The following PCDHA2 variants were observed in gnomAD, a reference collection of about 807,000 sequenced individuals.
PCDHA2 encodes protocadherin alpha 2.
A neutral mutation model predicts 66.0 loss-of-function variants in PCDHA2; 58 were observed. That is an observed-to-expected ratio of 0.88 (90% CI 0.71 to 1.09). The LOEUF is 1.09. Ranked by LOEUF, PCDHA2 falls within the 50% of genes least tolerant of loss-of-function variation. The pLI, the probability that PCDHA2 is intolerant of heterozygous loss-of-function variation, is 0.00. For synonymous variants in PCDHA2, 634 were observed against 554.0 expected (o/e 1.14, Z -2.03); for missense variants, 1,267 against 1,242.3 (o/e 1.02, Z -0.30).
intron 1 of PCDHA2, among the ~76,000 whole-genome samples, chr5:140,962,537 A>G (rs1554226101): frequency 6.6e-6 from 1 of 152,208 alleles, no homozygotes; most frequent in Non-Finnish European, 1.5e-5. Context: ...TTTTAGAACT[A>G]AAAATGTAGA....
chr5:140,870,385 G>A, intron 1 of PCDHA2: 1 of 1,614,240 alleles, frequency 6.2e-7, no homozygotes. Context: ...GACTGCGCGG[G>A]ATGGGGGTTC....
chr5:140,795,678 T>G lies in PCDHA2; in HGVS notation c.714T>G (p.Asn238Lys). Residue 238 changes from asparagine (N) to lysine (K), a missense_variant, in exon 1 of 4, where the codon AAT (asparagine) becomes AAG (lysine). Transcript: ENST00000526136. Reference protein sequence around the residue: ...ILIKVLDVNDNEPTFAQSVYK... With the variant: ...ILIKVLDVNDKEPTFAQSVYK... ...TTAAGGTATTAGATGTAAATGACAATGAACCAACTTTTGCCCAATCAGTTT... is the reference window on the plus strand; with the variant it reads ...TTAAGGTATTAGATGTAAATGACAAGGAACCAACTTTTGCCCAATCAGTTT... The G allele has an allele frequency of 6.2e-7, 1 of 1,614,122 alleles. No homozygotes were observed. The highest frequency in any genetic ancestry group is 8.5e-7 in the Non-Finnish European group (1 of 1,180,008).
intron 1 of PCDHA2, among the ~76,000 whole-genome samples, chr5:140,942,855 A>G (rs1323763970): frequency 6.6e-6 from 1 of 152,110 alleles, no homozygotes; most frequent in African/African-American, 2.4e-5. Flanking sequence ...TAAGATGATT[A>G]TTTTGCTTTA....
intron 1 of PCDHA2, among the ~76,000 whole-genome samples, chr5:140,874,462 A>G (rs1471984599): frequency 7.2e-5 from 11 of 152,228 alleles, no homozygotes; most frequent in African/African-American, 2.7e-4. Flanking sequence ...CTGTAGGGGA[A>G]GATTTAGAGA....
At chr5:140,876,968 T>C (rs782613091) in intron 1 of PCDHA2, 1 of 1,608,986 alleles carries the variant, frequency 6.2e-7, no homozygotes, top group Non-Finnish European at 8.5e-7. Context: ...GAGCGGCGGG[T>C]GGGCGAGCAC....
intron 1 of PCDHA2, among the ~76,000 whole-genome samples, chr5:140,933,411 T>C (rs1174569571): frequency 6.6e-6 from 1 of 152,084 alleles, no homozygotes; most frequent in Non-Finnish European, 1.5e-5. Flanking sequence ...CATCTACAGA[T>C]ATTCTGTGTT....
intron 1 of PCDHA2, chr5:140,817,258 CCT>C (rs1458699211): frequency 3.3e-5 from 5 of 152,336 alleles, no homozygotes; most frequent in East Asian, 1.9e-4. Flanking sequence ...GGAATTTCCC[CCT>C]GTTTGAATGG....
intron 1 of PCDHA2, among the ~76,000 whole-genome samples, chr5:140,933,894 A>G (rs2089494206): frequency 6.6e-6 from 1 of 151,894 alleles, no homozygotes; most frequent in Non-Finnish European, 1.5e-5. Context: ...ACTTTTGAAT[A>G]TTTTGGCATA....
intron 1 of PCDHA2, among the ~76,000 whole-genome samples, chr5:140,908,630 CA>C (rs2074062492): frequency 6.6e-6 from 1 of 152,126 alleles, no homozygotes; most frequent in East Asian, 1.9e-4. Flanking sequence ...TTGAGGTCTC[CA>C]CTGTGATTCA....
rs2150239887 is a variant in PCDHA2 at position 140,835,629 on chromosome 5, G to A, written c.2388+38277G>A. On this transcript the variant is annotated intron_variant, in intron 1 of 3. Coordinates refer to ENST00000526136, the MANE Select transcript of PCDHA2 (RefSeq NM_018905.3). ...GGTGCTGGACAGCGCTCTGGACCGC[G>A]AGAGTGTGTCCGCCTATGAGCTGGT... 7.4e-6 allele frequency: 12 copies of A among 1,613,910 alleles called. 1 individual carries two copies. The East Asian group carries it at 1.3e-4, about 18-fold the overall frequency.
intron 1 of PCDHA2, among the ~76,000 whole-genome samples, chr5:140,951,423 C>T (rs1324305371): frequency 6.6e-6 from 1 of 152,014 alleles, no homozygotes; most frequent in Non-Finnish European, 1.5e-5. Flanking sequence ...CTCACAGTTC[C>T]ACAGGCTGTA....
intron 1 of PCDHA2, chr5:140,969,215 C>G (rs782320507): frequency 6.2e-7 from 1 of 1,614,128 alleles, no homozygotes; most frequent in South Asian, 1.1e-5. Flanking sequence ...CCAGACAGGA[C>G]CAGGGCCTTC....
intron 1 of PCDHA2, among the ~76,000 whole-genome samples, chr5:140,839,040 T>C (rs1469530871): frequency 6.6e-6 from 1 of 152,080 alleles, no homozygotes; most frequent in Non-Finnish European, 1.5e-5. Flanking sequence ...TGTTTTCTTT[T>C]CAACGTGAAT....
At chr5:140,822,537 A>T (rs2150117111) in intron 1 of PCDHA2, 1 of 1,613,856 alleles carries the variant, frequency 6.2e-7, no homozygotes, top group East Asian at 2.2e-5. Context: ...TGGAAAATGC[A>T]CCAAGTGGGA....
chr5:140,836,508 A>C, intron 1 of PCDHA2: 1 of 1,613,830 alleles, frequency 6.2e-7, no homozygotes, highest in Non-Finnish European at 8.5e-7. Context: ...CGCGGTGTCC[A>C]GTCTGTTGGT....
At chr5:140,941,255 C>CTTTCTTTCTTTCTCTT (rs782490896) in intron 1 of PCDHA2, among the ~76,000 whole-genome samples, 1 of 44,508 alleles carries the variant, frequency 2.2e-5, no homozygotes, top group East Asian at 7.5e-4. Context: ...TTCTTTCTTT[C>CTTTCTTTCTTTCTCTT]TCTTTCTTTC....
intron 1 of PCDHA2, chr5:140,843,642 C>G (rs1352929745): frequency 1.9e-6 from 3 of 1,595,362 alleles, no homozygotes; most frequent in Non-Finnish European, 2.6e-6. Context: ...GCCTTCAGCC[C>G]CTGCCTTCCT....
At position 140,853,823 on chromosome 5, in the gene PCDHA2, T is replaced by C. The variant is rs1332082202; in HGVS notation, c.2388+56471T>C. On this transcript the variant is annotated intron_variant, in intron 1 of 3. Transcript: ENST00000526136. ...TAAAGCACACCTGAGATGATTCTCA[T>C]ACAACCGAAATTTTAGATCCATAGC... 6.3e-5 allele frequency: 62 copies of C among 986,786 alleles called. 2 individuals are homozygous for C. The highest frequency in any genetic ancestry group is 7.3e-5 in the Non-Finnish European group (60 of 818,922). The allele number at this position is 986,786 out of a possible 1,614,324, so 61.1% of individuals were successfully genotyped here. A position where few individuals can be genotyped will look rare whatever the true frequency, so the allele number is the denominator to read the frequency against.
intron 1 of PCDHA2, chr5:140,824,090 G>T (rs2150132090): frequency 1.2e-6 from 2 of 1,614,190 alleles, no homozygotes; most frequent in East Asian, 4.5e-5. Context: ...ATGGCCTTCA[G>T]TCCAAGCCTT....
Sources: gnomAD v4.1 joint callset for allele counts (sites outside exome capture counted in the v4.1 genomes callset) on GRCh38, gnomAD v4.1.1 for gene constraint, MANE v1.5 for transcripts, NCBI Gene and HGNC (gene_info 2026-07-23, HGNC 2026-07-21) for gene names.